The following TAF9 variants were observed in gnomAD, a reference collection of about 807,000 sequenced individuals.
TAF9 encodes TATA-box binding protein associated factor 9.
In TAF9, 10 loss-of-function variants were observed where a neutral mutation model predicts 16.5. That is an observed-to-expected ratio of 0.61 (90% CI 0.37 to 1.03). The LOEUF is 1.03. Ranked by LOEUF, TAF9 falls within the 50% of genes least tolerant of loss-of-function variation. TAF9 has a pLI of 0.01. For missense variants in TAF9, 288 were observed against 319.1 expected (o/e 0.90, Z 0.74); for synonymous variants, 105 against 120.5 (o/e 0.87, Z 0.84).
chr5:69,366,443 C>G, intron 2 of TAF9, 60 bp downstream of exon 2: 1 of 1,354,064 alleles, frequency 7.4e-7, no homozygotes. Flanking sequence ...AGCACTAACA[C>G]TCCACTTACC....
chr5:69,368,640 A>C (rs569194581), intron 1 of TAF9, among the ~76,000 whole-genome samples: 1 of 152,310 alleles, frequency 6.6e-6, no homozygotes, highest in South Asian at 2.1e-4. Flanking sequence ...TGGGTGAATG[A>C]TGTAACTTTA....
Position 69,365,570 on chromosome 5 carries a change from A to C in TAF9, c.168T>G (p.Ile56Met). 1.2e-6 allele frequency: 2 copies of C among 1,614,070 alleles called. No individual in the cohort carries two copies. The highest frequency in any genetic ancestry group is 1.7e-6 in the Non-Finnish European group (2 of 1,179,984). The change falls in exon 3 of 3, where the codon ATT (isoleucine) becomes ATG (methionine). Residue 56 changes from isoleucine to methionine, a missense_variant. Transcript: ENST00000217893. ...YVTTILDDAK[I>M]YSSHAKKATV... ...TAGCTTTCTTAGCATGGCTTGAATA[A>C]ATTTTTGCATCATCTAGAATTGTGG...
intron 1 of TAF9, among the ~76,000 whole-genome samples, chr5:69,368,506 C>T (rs546749730): frequency 6.6e-6 from 1 of 152,068 alleles, no homozygotes; most frequent in Non-Finnish European, 1.5e-5. Flanking sequence ...TATGTTTGAT[C>T]CATGCAAAAA....
chr5:69,369,526 C>A (rs1351971353), upstream of TAF9: 7 of 1,611,316 alleles, frequency 4.3e-6, no homozygotes, highest in Non-Finnish European at 4.2e-6. Context: ...GCCTCGCTCA[C>A]GTGCCCTTTG....
In TAF9 at chr5:69,365,272, T is replaced by G. The variant is rs1217921880; in HGVS notation, c.466A>C (p.Arg156=). Residue 156 remains arginine, a synonymous_variant, in exon 3 of 3, where the codon AGA becomes CGA. Coordinates refer to ENST00000217893, the MANE Select transcript of TAF9 (RefSeq NM_003187.5). ...GTGCCTAGTGTGGGAGTACTTGGTC[T>G]GCTAGTAACTGAACCAACACTTAAC... ...PRLSVGSVTS[R]PSTPTLGTPT... is the part of the protein sequence containing the mutation. 1 of 1,614,242 alleles carries G rather than the reference T, an allele frequency of 6.2e-7. No homozygotes were observed. The highest frequency in any genetic ancestry group is 1.3e-5 in the African/African-American group (1 of 75,060).
intron 2 of TAF9, among the ~76,000 whole-genome samples, chr5:69,366,009 G>A (rs1285417538): frequency 6.6e-6 from 1 of 152,092 alleles, no homozygotes; most frequent in Non-Finnish European, 1.5e-5. Context: ...GAAAGATTAG[G>A]GGAAAACAGG....
Position 69,365,620 on chromosome 5 carries a change from A to AC in TAF9, c.117dup (p.Leu40ValfsTer14), listed in dbSNP as rs1762388389. On this transcript the variant is annotated frameshift_variant, in exon 3 of 3. Coordinates refer to ENST00000217893, the MANE Select transcript of TAF9 (RefSeq NM_003187.5). LOFTEE classifies it high-confidence loss of function. ...GTCACATATCGGAAGGCAAACTCCAACATCTGATTTATAACTCTTGGCTCA... is the reference window on the plus strand; with the variant it reads ...GTCACATATCGGAAGGCAAACTCCAACCATCTGATTTATAACTCTTGGCTCA... 1 of 1,614,000 alleles carries AC rather than the reference A, an allele frequency of 6.2e-7. No homozygotes were observed. Among genetic ancestry groups the AC allele is most frequent in the East Asian group, 2.2e-5 (1 of 44,898 alleles).
At chr5:69,369,617 CT>C (rs1338982583), upstream of TAF9, 15 of 1,576,168 alleles carry the variant, frequency 9.5e-6, no homozygotes, top group East Asian at 3.1e-4. Flanking sequence ...CGCGGCGCCC[CT>C]AGCCTGCCCC....
At chr5:69,369,243 C>CCCCCCCCCCCG in intron 1 of TAF9, 1 of 261,300 alleles carries the variant, frequency 3.8e-6, no homozygotes, top group Non-Finnish European at 7.1e-6. Flanking sequence ...CCCGCCCCCC[C>CCCCCCCCCCCG]CCGGAGCCTC....
At chr5:69,366,724 G>A (rs867676739) in intron 1 of TAF9, 129 bp from the exon 2 acceptor site, 7 of 679,032 alleles carry the variant, frequency 1.0e-5, no homozygotes, top group Middle Eastern at 2.5e-4. Context: ...AGTTCTTGAC[G>A]ACTGAAATGA....
chr5:69,368,651 C>T (rs1762636756), intron 1 of TAF9, among the ~76,000 whole-genome samples: 1 of 152,178 alleles, frequency 6.6e-6, no homozygotes, highest in African/African-American at 2.4e-5. Flanking sequence ...TGTAACTTTA[C>T]TGTTCCCACA....
chr5:69,369,334 ACCG>A, intron 1 of TAF9, 126 bp downstream of exon 1: 1 of 912,058 alleles, frequency 1.1e-6, no homozygotes, highest in Non-Finnish European at 1.5e-6. Context: ...GGCGCTGACA[ACCG>A]CCTCGTGGCC....
In TAF9 at chr5:69,365,745, G is replaced by A. The variant is rs1220356814; in HGVS notation, c.-8C>T. 16 of 1,525,080 alleles carry A rather than the reference G, an allele frequency of 1.0e-5. No individual in the cohort carries two copies. The highest frequency in any genetic ancestry group is 2.3e-5 in the East Asian group (1 of 44,164). 94.5% of individuals were successfully genotyped at this position (1,525,080 alleles called of 1,614,324 possible). Reference sequence around the variant, plus strand: ...CGTCTTGCCAGACTCCATGATATCCGATGATCAGACTTTAGATCATTTGAA... The same window carrying A: ...CGTCTTGCCAGACTCCATGATATCCAATGATCAGACTTTAGATCATTTGAA... On this transcript the variant is annotated 5_prime_UTR_variant, in exon 3 of 3. Transcript: ENST00000217893.
intron 1 of TAF9, among the ~76,000 whole-genome samples, chr5:69,367,473 G>A (rs1762492598): frequency 7.2e-6 from 1 of 138,862 alleles, no homozygotes; most frequent in African/African-American, 2.7e-5. Context: ...TCGCGCCACA[G>A]CACTCCAGCC....
chr5:69,365,828 C>A, intron 2 of TAF9, 74 bp from the exon 3 acceptor site: 1 of 1,138,434 alleles, frequency 8.8e-7, no homozygotes, highest in Non-Finnish European at 1.2e-6. Flanking sequence ...CTGTCAGGAA[C>A]TTAAAAAAAT....
intron 1 of TAF9, 107 bp from the exon 2 acceptor site, chr5:69,366,702 T>C: frequency 2.5e-6 from 2 of 794,870 alleles, no homozygotes; most frequent in Non-Finnish European, 4.2e-6. Flanking sequence ...TCACCTGGCC[T>C]CTGCCCTTAA....
chr5:69,369,241 C>CCCCCCCCCCCA, intron 1 of TAF9: 1 of 240,186 alleles, frequency 4.2e-6, no homozygotes, highest in Non-Finnish European at 7.9e-6. Flanking sequence ...CCCCCGCCCC[C>CCCCCCCCCCCA]CCCCGGAGCC....
At position 69,365,237 on chromosome 5, in the gene TAF9, T is replaced by A. The variant is rs139529741; in HGVS notation, c.501A>T (p.Pro167=). 1.6e-4 allele frequency: 260 copies of A among 1,614,196 alleles called. No individual in the cohort carries two copies. The African/African-American group carries it at 3.2e-3, about 20-fold the overall frequency. Residue 167 remains proline (P), a synonymous_variant, in exon 3 of 3, where the codon CCA becomes CCT. Transcript: ENST00000217893. ...CTTTAGTTGAAACAGACATGGTCTG[T>A]GGGGTTGGTGTGCCTAGTGTGGGAG... is the stretch of plus-strand genomic sequence containing the variant. ...PSTPTLGTPT[P]QTMSVSTKVG...
At position 69,369,321 on chromosome 5, in the gene TAF9, C is replaced by T. The variant is rs1158566614; in HGVS notation, c.-111+142G>A. On this transcript the variant is annotated intron_variant, in intron 1 of 2. Transcript: ENST00000217893. ...CGCAACGCCCGCGAGGGTCGGCTCC[C>T]GGGGCGCTGACAACCGCCTCGTGGC... 8 of 871,596 alleles carry T rather than the reference C, an allele frequency of 9.2e-6. No homozygotes were observed. The Admixed American group carries it at 2.0e-4, about 22-fold the overall frequency. 54.0% of individuals were successfully genotyped at this position (871,596 alleles called of 1,614,324 possible).
Sources: gnomAD v4.1 joint callset for allele counts (sites outside exome capture counted in the v4.1 genomes callset) on GRCh38, gnomAD v4.1.1 for gene constraint, MANE v1.5 for transcripts, NCBI Gene and HGNC (gene_info 2026-07-23, HGNC 2026-07-21) for gene names.